PCDHGA2: variants seen among roughly 807,000 people sequenced by gnomAD.
PCDHGA2 encodes the protein protocadherin gamma subfamily A, 2.
In PCDHGA2, 40 loss-of-function variants were observed where a neutral mutation model predicts 59.2. The ratio of observed to expected loss-of-function variants is 0.68; its 90% CI spans 0.52 to 0.88. The LOEUF (loss-of-function observed/expected upper bound fraction) is 0.88, where lower values mean the gene tolerates loss of function less well. PCDHGA2 is among the 40% of genes least tolerant of loss of function. The pLI is 0.00. For missense variants in PCDHGA2, 1,226 were observed against 1,204.0 expected, an observed-to-expected ratio of 1.02 and a Z score of -0.27; for synonymous variants, 560 against 526.0, an observed-to-expected ratio of 1.06 and a Z score of -0.89.
At chr5:141,409,519 C>T in intron 1 of PCDHGA2, 1 of 1,614,040 alleles carries the variant, frequency 6.2e-7, no homozygotes, top group Non-Finnish European at 8.5e-7. Context: ...GAAGCATCAC[C>T]TTGTATGTCG....
rs201895231 is a variant in PCDHGA2 at position 141,392,844 on chromosome 5, G to A, written c.2424+51449G>A. On this transcript the variant is annotated intron_variant, in intron 1 of 3. Coordinates refer to ENST00000394576, the MANE Select transcript of PCDHGA2 (RefSeq NM_018915.4). ...CGCTCCACAGAGTCGCCCCAGACGC[G>A]GCGAGCTGATCCTGCTGTGCGCGCT... The A allele has an allele frequency of 1.3e-5, 21 of 1,609,468 alleles. 1 individual carries two copies. The East Asian group carries it at 1.6e-4, about 12-fold the overall frequency.
chr5:141,366,731 AAAG>A (rs745983303), intron 1 of PCDHGA2: 28 of 1,613,012 alleles, frequency 1.7e-5, no homozygotes, highest in Non-Finnish European at 2.1e-5. Flanking sequence ...AGATGCAAAC[AAAG>A]AAGAACGGCG....
chr5:141,448,118 G>A (rs1356488538), intron 1 of PCDHGA2, among the ~76,000 whole-genome samples: 1 of 151,534 alleles, frequency 6.6e-6, no homozygotes, highest in East Asian at 1.9e-4. Flanking sequence ...AAGAAAATTA[G>A]CCTCCCCCAC....
In PCDHGA2 at chr5:141,478,182, A is replaced by T. The variant is rs777228133; in HGVS notation, c.2425-16625A>T. The T allele has an allele frequency of 5.0e-6, 8 of 1,613,866 alleles. No individual in the cohort carries two copies. In the South Asian group the frequency reaches 8.8e-5, roughly 18 times the overall value. ...TCTGCCCCCCGGGAGCAGAAAAAAA[A>T]TCTCACCTTTTATCTACTTCTTTCT... is the stretch of plus-strand genomic sequence containing the variant. On this transcript the variant is annotated intron_variant, in intron 1 of 3. Transcript: ENST00000394576.
chr5:141,390,052 G>C (rs2092030783), intron 1 of PCDHGA2: 1 of 1,613,960 alleles, frequency 6.2e-7, no homozygotes, highest in Non-Finnish European at 8.5e-7. Context: ...GCCTCCTGGA[G>C]CTGCTTCCAG....
rs974211560 is a variant in PCDHGA2 at position 141,339,588 on chromosome 5, CT to C, written c.618del (p.Val207PhefsTer24). ...LERSLDREEE[A>X]VHHLVLVASD... is the part of the protein sequence containing the mutation. ...CGCTCTCTGGACCGCGAGGAAGAGG[CT>C]GTTCACCACCTCGTTCTCGTGGCTT... On this transcript the variant is annotated frameshift_variant, in exon 1 of 4. Transcript: ENST00000394576. LOFTEE classifies it high-confidence loss of function. 2 of 1,614,112 alleles carry C rather than the reference CT, an allele frequency of 1.2e-6. No individual in the cohort carries two copies. The highest frequency in any genetic ancestry group is 2.7e-5 in the African/African-American group (2 of 74,948).
intron 1 of PCDHGA2, chr5:141,428,368 C>A (rs1403173774): frequency 1.3e-5 from 7 of 544,884 alleles, no homozygotes; most frequent in Non-Finnish European, 2.4e-5. Flanking sequence ...GGTCGCCTTG[C>A]ACCTGCGATG....
intron 1 of PCDHGA2, chr5:141,346,563 T>A: frequency 6.8e-7 from 1 of 1,461,888 alleles, no homozygotes; most frequent in Non-Finnish European, 9.2e-7. Flanking sequence ...AGGTTGTCAT[T>A]AGTCCTTTGA....
intron 1 of PCDHGA2, chr5:141,356,930 T>C (rs1448089911): frequency 6.2e-7 from 1 of 1,614,192 alleles, no homozygotes; most frequent in East Asian, 2.2e-5. Flanking sequence ...GGTGTGGAGC[T>C]GGCACCCCGC....
intron 1 of PCDHGA2, chr5:141,408,674 A>C (rs1005052894): frequency 6.2e-7 from 1 of 1,613,882 alleles, no homozygotes; most frequent in African/African-American, 1.3e-5. Flanking sequence ...TGACCCTGCC[A>C]CGGATCCTGA....
chr5:141,509,513 T>C (rs2099877131), intron 3 of PCDHGA2, among the ~76,000 whole-genome samples: 2 of 152,068 alleles, frequency 1.3e-5, no homozygotes, highest in Non-Finnish European at 2.9e-5. Flanking sequence ...ACGGTGTTGA[T>C]GATGTATTGC....
chr5:141,397,012 A>C (rs944352237), intron 1 of PCDHGA2, among the ~76,000 whole-genome samples: 2 of 152,260 alleles, frequency 1.3e-5, no homozygotes, highest in African/African-American at 4.8e-5. Flanking sequence ...AATGGACTAA[A>C]GAAGGTTGAC....
At chr5:141,365,895 A>G in intron 1 of PCDHGA2, 1 of 1,614,212 alleles carries the variant, frequency 6.2e-7, no homozygotes, top group East Asian at 2.2e-5. Flanking sequence ...TCCTTCGACT[A>G]TGAGCAGTTG....
chr5:141,427,881 C>T (rs774499492), intron 1 of PCDHGA2: 6 of 1,563,720 alleles, frequency 3.8e-6, no homozygotes, highest in South Asian at 3.3e-5. Context: ...GATGCAGGCC[C>T]ACGACCAGGG....
At chr5:141,401,076 G>T (rs1589429931) in intron 1 of PCDHGA2, among the ~76,000 whole-genome samples, 1 of 152,174 alleles carries the variant, frequency 6.6e-6, no homozygotes, top group Non-Finnish European at 1.5e-5. Context: ...GGGTGCAGTG[G>T]CTCATGCCTG....
In PCDHGA2 at chr5:141,350,983, G is replaced by A. The variant is rs769006733; in HGVS notation, c.2424+9588G>A. 179 of 1,613,982 alleles carry A rather than the reference G, an allele frequency of 1.1e-4. 1 individual carries two copies. The South Asian group carries it at 1.8e-3, about 16-fold the overall frequency. On this transcript the variant is annotated intron_variant, in intron 1 of 3. Coordinates refer to ENST00000394576, the MANE Select transcript of PCDHGA2 (RefSeq NM_018915.4). ...ATGATAATGCTCCCGTGTTTAGCCA[G>A]GAGGTATACAGGGTTAGCCTCCAAG...
chr5:141,481,200 T>A (rs977235584), intron 1 of PCDHGA2, among the ~76,000 whole-genome samples: 2 of 152,178 alleles, frequency 1.3e-5, no homozygotes, highest in Non-Finnish European at 2.9e-5. Flanking sequence ...CCAATTTTTT[T>A]AAAAAACATG....
chr5:141,434,906 C>A lies in PCDHGA2; in HGVS notation c.2425-59901C>A, dbSNP rs1044434492. ...AACAATCCAGTCCCCTTCCCTCATA[C>A]CTTATTTATGTACATATATTTTATA... On this transcript the variant is annotated intron_variant, in intron 1 of 3. Coordinates refer to ENST00000394576, the MANE Select transcript of PCDHGA2 (RefSeq NM_018915.4). Among the ~76,000 whole-genome samples the A allele has an allele frequency of 2.0e-5, 3 of 151,752 alleles. No individual in the cohort carries two copies. In the South Asian group the frequency reaches 6.2e-4, roughly 32 times the overall value.
chr5:141,413,904 G>T (rs1230344912), intron 1 of PCDHGA2: 3 of 1,613,160 alleles, frequency 1.9e-6, no homozygotes, highest in East Asian at 2.2e-5. Context: ...ATGACAACGC[G>T]CCGGTCTTCA....
Sources: allele counts gnomAD v4.1 joint callset (sites outside exome capture counted in the v4.1 genomes callset), GRCh38; gene constraint gnomAD v4.1.1; transcripts MANE v1.5; gene names NCBI Gene and HGNC (gene_info 2026-07-23, HGNC 2026-07-21).